ADAMTS6: variants seen among roughly 807,000 people sequenced by gnomAD.
The protein encoded by ADAMTS6 is ADAM metallopeptidase with thrombospondin type 1 motif 6.
Under a neutral mutation model 144.3 loss-of-function variants are expected in ADAMTS6, and 23 were observed. That is an observed-to-expected ratio of 0.16 (90% CI 0.11 to 0.23). The LOEUF (loss-of-function observed/expected upper bound fraction) is 0.23, where lower values mean the gene tolerates loss of function less well. ADAMTS6 is among the 10% of genes least tolerant of loss of function. The pLI, the probability that ADAMTS6 is intolerant of heterozygous loss-of-function variation, is 1.00. For synonymous variants in ADAMTS6, 444 were observed against 457.5 expected (o/e 0.97, Z 0.38); for missense variants, 999 against 1,379.6 (o/e 0.72, Z 4.37).
At chr5:65,387,970 G>A (rs1469637355) in intron 7 of ADAMTS6, among the ~76,000 whole-genome samples, 1 of 152,122 alleles carries the variant, frequency 6.6e-6, no homozygotes, top group Non-Finnish European at 1.5e-5. Flanking sequence ...CAGCACTTTG[G>A]GAGGCCAAGG....
At chr5:65,349,851 C>T (rs78084782) in intron 7 of ADAMTS6, among the ~76,000 whole-genome samples, 1 of 107,728 alleles carries the variant, frequency 9.3e-6, no homozygotes, top group Non-Finnish European at 2.0e-5. Flanking sequence ...GAGACTGTCT[C>T]AAAAAAAAAA....
chr5:65,168,865 A>G (rs1378433031), intron 24 of ADAMTS6, among the ~76,000 whole-genome samples: 1 of 147,864 alleles, frequency 6.8e-6, no homozygotes, highest in Non-Finnish European at 1.5e-5. Context: ...CCTTCCTTAC[A>G]TCTTATACAA....
intron 7 of ADAMTS6, among the ~76,000 whole-genome samples, chr5:65,366,760 C>A (rs1750341901): frequency 1.3e-5 from 2 of 152,184 alleles, no homozygotes; most frequent in South Asian, 4.1e-4. Flanking sequence ...GCTGTTCTTG[C>A]AGTAAATACA....
chr5:65,424,005 T>C (rs1298803959), intron 7 of ADAMTS6, among the ~76,000 whole-genome samples: 1 of 152,200 alleles, frequency 6.6e-6, no homozygotes, highest in Non-Finnish European at 1.5e-5. Flanking sequence ...TGGCAGCATT[T>C]ATAAGAACTA....
intron 7 of ADAMTS6, among the ~76,000 whole-genome samples, chr5:65,337,812 C>T (rs756686732): frequency 2.0e-5 from 3 of 152,148 alleles, no homozygotes; most frequent in Non-Finnish European, 4.4e-5. Flanking sequence ...TCCTCCAGAT[C>T]CAAGCCACTT....
chr5:65,163,270 T>C (rs1245844635), intron 24 of ADAMTS6, among the ~76,000 whole-genome samples: 1 of 152,142 alleles, frequency 6.6e-6, no homozygotes, highest in Non-Finnish European at 1.5e-5. Flanking sequence ...AAAAATACTT[T>C]TGTTTGTTAT....
intron 7 of ADAMTS6, among the ~76,000 whole-genome samples, chr5:65,401,874 T>C (rs1753948245): frequency 6.6e-6 from 1 of 152,130 alleles, no homozygotes; most frequent in Admixed American, 6.6e-5. Context: ...ATTTTCTCAC[T>C]TTTTCCTTCT....
chr5:65,383,027 T>C (rs565358180), intron 7 of ADAMTS6, among the ~76,000 whole-genome samples: 2 of 152,282 alleles, frequency 1.3e-5, no homozygotes, highest in South Asian at 4.1e-4. Context: ...GGATCTGTTT[T>C]ATAAGGGCAC....
At chr5:65,297,099 A>G in intron 10 of ADAMTS6, 1 of 418,774 alleles carries the variant, frequency 2.4e-6, no homozygotes, top group Non-Finnish European at 4.7e-6. Flanking sequence ...CAGATAGGAA[A>G]GACACTACCT....
intron 14 of ADAMTS6, among the ~76,000 whole-genome samples, chr5:65,247,089 G>T (rs1759695681): frequency 6.6e-6 from 1 of 152,142 alleles, no homozygotes; most frequent in African/African-American, 2.4e-5. Flanking sequence ...CAGATTTTCA[G>T]CCTTCTAGTG....
rs1746617530 is a variant in ADAMTS6, at chr5:65,330,592, G to GA, written c.1118-1110dup. 1.3e-5 allele frequency among the ~76,000 whole-genome samples: 2 copies of GA among 152,026 alleles called. 1 individual carries two copies. The highest frequency in any genetic ancestry group is 4.1e-4 in the South Asian group (2 of 4,824). Reference sequence around the variant, plus strand: ...TATAATTTCCCAGCTGTACTAATTAGAAACAATAAATGGTATTCAATCCAT... The same window carrying GA: ...TATAATTTCCCAGCTGTACTAATTAGAAAACAATAAATGGTATTCAATCCAT... On this transcript the variant is annotated intron_variant, in intron 8 of 24. Coordinates refer to ENST00000381055, the MANE Select transcript of ADAMTS6 (RefSeq NM_197941.4).
intron 7 of ADAMTS6, among the ~76,000 whole-genome samples, chr5:65,348,373 T>A (rs1264490639): frequency 6.6e-6 from 1 of 152,064 alleles, no homozygotes; most frequent in Non-Finnish European, 1.5e-5. Context: ...GATGAACCTG[T>A]AGGACATTAT....
chr5:65,462,913 C>T lies in ADAMTS6; in HGVS notation c.463-2575G>A, dbSNP rs572165309. Reference sequence around the variant, plus strand: ...TGACCAACATGGTGAAACCCCACCCCTACTAAAAATACAAAAATTAGCCAG... The same window carrying T: ...TGACCAACATGGTGAAACCCCACCCTTACTAAAAATACAAAAATTAGCCAG... On this transcript the variant is annotated intron_variant, in intron 3 of 24. Transcript: ENST00000381055. Among the ~76,000 whole-genome samples the T allele has an allele frequency of 1.9e-4, 29 of 151,992 alleles. 1 individual carries two copies. In the South Asian group the frequency reaches 5.6e-3, roughly 29 times the overall value.
chr5:65,384,948 T>A (rs549189524), intron 7 of ADAMTS6, among the ~76,000 whole-genome samples: 43 of 152,324 alleles, frequency 2.8e-4, no homozygotes, highest in Middle Eastern at 6.8e-3. Context: ...AAGGGTTTTC[T>A]GCATCATAGA....
intron 3 of ADAMTS6, among the ~76,000 whole-genome samples, chr5:65,466,589 T>C (rs1450717929): frequency 6.6e-6 from 1 of 152,152 alleles, no homozygotes; most frequent in Non-Finnish European, 1.5e-5. Flanking sequence ...AAGGTACTTA[T>C]AAGTATTAGT....
intron 14 of ADAMTS6, among the ~76,000 whole-genome samples, chr5:65,259,836 G>A (rs780008310): frequency 5.0e-4 from 76 of 152,288 alleles, no homozygotes; most frequent in Middle Eastern, 3.4e-3. Flanking sequence ...CAAGAATTAA[G>A]ACAGTAGTAG....
intron 8 of ADAMTS6, among the ~76,000 whole-genome samples, chr5:65,330,128 A>G (rs1229190238): frequency 6.6e-6 from 1 of 152,072 alleles, no homozygotes; most frequent in Non-Finnish European, 1.5e-5. Context: ...CCTCTCTCCT[A>G]TCCCTTACTT....
At chr5:65,417,090 A>C (rs1755596945) in intron 7 of ADAMTS6, among the ~76,000 whole-genome samples, 1 of 152,214 alleles carries the variant, frequency 6.6e-6, no homozygotes, top group South Asian at 2.1e-4. Flanking sequence ...AAATCAATAA[A>C]TGTGATTCAC....
At chr5:65,220,581 C>T (rs139773137) in intron 18 of ADAMTS6, among the ~76,000 whole-genome samples, 7,861 of 152,006 alleles carry the variant, frequency 0.052, 238 homozygotes, top group Middle Eastern at 0.078. Context: ...CCCGTTTCTA[C>T]TAAAATTACA....
Sources: gnomAD v4.1 joint callset for allele counts (sites outside exome capture counted in the v4.1 genomes callset) on GRCh38, gnomAD v4.1.1 for gene constraint, MANE v1.5 for transcripts, NCBI Gene and HGNC (gene_info 2026-07-23, HGNC 2026-07-21) for gene names.